The following GIMAP2 variants were observed in gnomAD, a reference collection of about 807,000 sequenced individuals.
GIMAP2 encodes the protein GTPase IMAP family member 2.
In GIMAP2, 22 loss-of-function variants were observed where a neutral mutation model predicts 25.5. The ratio of observed to expected loss-of-function variants is 0.86; its 90% CI spans 0.62 to 1.23. The LOEUF (loss-of-function observed/expected upper bound fraction) is 1.23, where lower values mean the gene tolerates loss of function less well. Ranked by LOEUF, GIMAP2 falls within the 50% of genes most tolerant of loss-of-function variation. The pLI is 0.00. For missense variants in GIMAP2, 422 were observed against 395.7 expected, an observed-to-expected ratio of 1.07 and a Z score of -0.56; for synonymous variants, 167 against 143.0, an observed-to-expected ratio of 1.17 and a Z score of -1.20.
chr7:150,693,442 C>G lies in GIMAP2; in HGVS notation c.*142C>G, dbSNP rs1265717939. 3.5e-6 allele frequency: 2 copies of G among 564,130 alleles called. No individual in the cohort carries two copies. Among genetic ancestry groups the G allele is most frequent in the Non-Finnish European group, 6.1e-6 (2 of 327,574 alleles). The allele number at this position is 564,130 out of a possible 1,614,324, so 34.9% of individuals were successfully genotyped here. Reference sequence around the variant, plus strand: ...AACATCACTCCAATTATTAATGAACCAAATCATACGATAAGTTACTGTTTG... The same window carrying G: ...AACATCACTCCAATTATTAATGAACGAAATCATACGATAAGTTACTGTTTG... On this transcript the variant is annotated 3_prime_UTR_variant, in exon 3 of 3. Coordinates refer to ENST00000223293, the MANE Select transcript of GIMAP2 (RefSeq NM_015660.3).
rs779140676 is a variant in GIMAP2, at chr7:150,693,030, A to C, written c.744A>C (p.Glu248Asp). ...EFKQSLIKYMETQRSYTALAE... is the reference protein window; with the variant it reads ...EFKQSLIKYMDTQRSYTALAE... ...AACAGAGCCTTATAAAGTACATGGA[A>C]ACTCAAAGAAGTTACACAGCCTTGG... The change falls in exon 3 of 3, where the codon GAA (glutamate) becomes GAC (aspartate). Residue 248 changes from glutamate (E) to aspartate (D), a missense_variant. Coordinates refer to ENST00000223293, the MANE Select transcript of GIMAP2 (RefSeq NM_015660.3). The C allele has an allele frequency of 1.1e-5, 17 of 1,614,070 alleles. No homozygotes were observed. The highest frequency in any genetic ancestry group is 1.4e-5 in the Non-Finnish European group (17 of 1,180,010).
Position 150,687,075 on chromosome 7 carries a change from C to T in GIMAP2, c.16C>T (p.His6Tyr). The T allele has an allele frequency of 6.2e-7, 1 of 1,610,168 alleles. No homozygotes were observed. Among genetic ancestry groups the T allele is most frequent in the Non-Finnish European group, 8.5e-7 (1 of 1,178,032 alleles). ...AGGAACACCAATGGACCAAAATGAA[C>T]ACAGTCACTGGGGTAAGAAGGTGAC... MDQNEHSHWGPHAKGQ... is the reference protein window; with the variant it reads MDQNEYSHWGPHAKGQ... The change falls in exon 2 of 3, where the codon CAC (histidine) becomes TAC (tyrosine). Residue 6 changes from histidine (H) to tyrosine (Y), a missense_variant. Physicochemically the swap from His to Tyr is moderately conservative, Grantham distance 83. Coordinates refer to ENST00000223293, the MANE Select transcript of GIMAP2 (RefSeq NM_015660.3).
chr7:150,690,900 C>T (rs1796959617), intron 2 of GIMAP2, among the ~76,000 whole-genome samples: 1 of 152,170 alleles, frequency 6.6e-6, no homozygotes, highest in African/African-American at 2.4e-5. Context: ...TCAGAAAGCT[C>T]ATTTTCTTTG....
chr7:150,685,803 A>G lies in GIMAP2; in HGVS notation c.-9+18A>G. On this transcript the variant is annotated intron_variant, in intron 1 of 2. Coordinates refer to ENST00000223293, the MANE Select transcript of GIMAP2 (RefSeq NM_015660.3). Reference sequence around the variant, plus strand: ...TAAATCAGGTAAGCCCAGATTTACGAAAAGTTCTGCAGTGTTGATTTCTAG... The same window carrying G: ...TAAATCAGGTAAGCCCAGATTTACGGAAAGTTCTGCAGTGTTGATTTCTAG... 2 of 937,278 alleles carry G rather than the reference A, an allele frequency of 2.1e-6. No homozygotes were observed. The highest frequency in any genetic ancestry group is 2.5e-6 in the Non-Finnish European group (2 of 785,914). 58.1% of individuals were successfully genotyped at this position (937,278 alleles called of 1,614,324 possible).
At position 150,692,999 on chromosome 7, in the gene GIMAP2, A is replaced by G. The variant is rs200032624; in HGVS notation, c.713A>G (p.Glu238Gly). 2.5e-6 allele frequency: 4 copies of G among 1,614,156 alleles called. No individual in the cohort carries two copies. In the Middle Eastern group the frequency reaches 6.6e-4, roughly 266 times the overall value. Residue 238 changes from glutamate to glycine, a missense_variant, in exon 3 of 3, where the codon GAA becomes GGA. By Grantham distance (98) the Glu-to-Gly change is moderately conservative. Coordinates refer to ENST00000223293, the MANE Select transcript of GIMAP2 (RefSeq NM_015660.3). ...GPVGSDERVK[E>G]FKQSLIKYME... ...GTGGGATCAGATGAAAGAGTAAAGGAATTCAAACAGAGCCTTATAAAGTAC... is the reference window on the plus strand; with the variant it reads ...GTGGGATCAGATGAAAGAGTAAAGGGATTCAAACAGAGCCTTATAAAGTAC...
intron 2 of GIMAP2, chr7:150,687,297 G>A (rs1796915504): frequency 2.8e-6 from 1 of 356,912 alleles, no homozygotes. Context: ...TTTTGAGACA[G>A]TGTCTCTCTC....
chr7:150,687,863 G>C (rs572511956), intron 2 of GIMAP2, among the ~76,000 whole-genome samples: 3 of 151,080 alleles, frequency 2.0e-5, no homozygotes, highest in African/African-American at 7.3e-5. Flanking sequence ...TCTGTATCTT[G>C]ACCTCCCCTT....
rs184759086 is a variant in GIMAP2 at position 150,685,829 on chromosome 7, G to C, written c.-9+44G>C. 234 of 676,594 alleles carry C rather than the reference G, an allele frequency of 3.5e-4. 2 individuals are homozygous for C. The African/African-American group carries it at 3.9e-3, about 11-fold the overall frequency. 41.9% of individuals were successfully genotyped at this position (676,594 alleles called of 1,614,324 possible). ...AAAGTTCTGCAGTGTTGATTTCTAG[G>C]TCCCAAGCCATGCACAAACATTTTC... On this transcript the variant is annotated intron_variant, in intron 1 of 2. Coordinates refer to ENST00000223293, the MANE Select transcript of GIMAP2 (RefSeq NM_015660.3).
chr7:150,687,148 GTGTGTGTT>G (rs1796913174), intron 2 of GIMAP2, 61 bp downstream of exon 2: 1 of 1,071,696 alleles, frequency 9.3e-7, no homozygotes, highest in Non-Finnish European at 1.4e-6. Context: ...GTGTGTGTGT[GTGTGTGTT>G]TGGCTCTTCT....
At chr7:150,690,763 A>G (rs1796958225) in intron 2 of GIMAP2, among the ~76,000 whole-genome samples, 1 of 152,238 alleles carries the variant, frequency 6.6e-6, no homozygotes. Context: ...GGAGTAAACC[A>G]TCATCTTCTC....
chr7:150,687,289 T>TGTTTGTTTG (rs1796915383), intron 2 of GIMAP2: 6 of 555,666 alleles, frequency 1.1e-5, no homozygotes, highest in South Asian at 2.7e-5. Context: ...TTTGTTTGTT[T>TGTTTGTTTG]TGAGACAGTG....
intron 2 of GIMAP2, chr7:150,689,748 C>G (rs755355682): frequency 1.9e-6 from 1 of 531,266 alleles, no homozygotes; most frequent in Admixed American, 3.1e-5. Context: ...CAAGTGTTGG[C>G]GTAGCAGCAT....
chr7:150,687,743 CTCTG>C (rs1345575586), intron 2 of GIMAP2, among the ~76,000 whole-genome samples: 1 of 151,842 alleles, frequency 6.6e-6, no homozygotes, highest in African/African-American at 2.4e-5. Context: ...GTGTCTCTCT[CTCTG>C]TCTTTCTGTC....
At chr7:150,691,406 T>C (rs1563355240) in intron 2 of GIMAP2, among the ~76,000 whole-genome samples, 1 of 152,220 alleles carries the variant, frequency 6.6e-6, no homozygotes, top group Non-Finnish European at 1.5e-5. Flanking sequence ...CTTACCCACG[T>C]TGAAGGGAAA....
intron 2 of GIMAP2, 84 bp downstream of exon 2, chr7:150,687,171 ATGT>A: frequency 8.6e-7 from 1 of 1,160,630 alleles, no homozygotes; most frequent in Non-Finnish European, 1.3e-6. Flanking sequence ...TCTTCTGATG[ATGT>A]TGGGGCAAAA....
In GIMAP2 at chr7:150,692,334, A is replaced by C. The variant is rs139352851; in HGVS notation, c.48A>C (p.Gln16His). Residue 16 changes from glutamine to histidine, a missense_variant, in exon 3 of 3, where the codon CAA becomes CAC. Physicochemically the swap from Gln to His is conservative, Grantham distance 24 (BLOSUM62 0). Transcript: ENST00000223293. ...TCACAGGACCACATGCAAAGGGCCA[A>C]TGTGCCAGCAGATCTGAGCTGAGAA... ...HSHWGPHAKG[Q>H]CASRSELRII... The C allele has an allele frequency of 6.2e-7, 1 of 1,613,930 alleles. No homozygotes were observed. Among genetic ancestry groups the C allele is most frequent in the African/African-American group, 1.3e-5 (1 of 75,048 alleles).
At position 150,685,782 on chromosome 7, in the gene GIMAP2, TC is replaced by T. The variant is rs1796894130; in HGVS notation, c.-11del. 3 of 974,870 alleles carry T rather than the reference TC, an allele frequency of 3.1e-6. No individual in the cohort carries two copies. The East Asian group carries it at 3.4e-4, about 111-fold the overall frequency. 60.4% of individuals were successfully genotyped at this position (974,870 alleles called of 1,614,324 possible). A position where few individuals can be genotyped will look rare whatever the true frequency, so the allele number is the denominator to read the frequency against. On this transcript the variant is annotated splice_region_variant and 5_prime_UTR_variant, in exon 1 of 3. Transcript: ENST00000223293. ...GCCAACTGTTTCTTTGAACAGTAAATCAGGTAAGCCCAGATTTACGAAAAGT... is the reference window on the plus strand; with the variant it reads ...GCCAACTGTTTCTTTGAACAGTAAATAGGTAAGCCCAGATTTACGAAAAGT...
chr7:150,688,654 C>T (rs1796929729), intron 2 of GIMAP2, among the ~76,000 whole-genome samples: 1 of 152,188 alleles, frequency 6.6e-6, no homozygotes, highest in South Asian at 2.1e-4. Context: ...TCCAGCTCTG[C>T]CCCCTCAACC....
chr7:150,692,492 GA>G lies in GIMAP2; in HGVS notation c.209del (p.Asn70IlefsTer43). The G allele has an allele frequency of 6.2e-7, 1 of 1,614,154 alleles. No homozygotes were observed. The highest frequency in any genetic ancestry group is 1.1e-5 in the South Asian group (1 of 91,074). On this transcript the variant is annotated frameshift_variant, in exon 3 of 3. Coordinates refer to ENST00000223293, the MANE Select transcript of GIMAP2 (RefSeq NM_015660.3). LOFTEE classifies it high-confidence loss of function. Reference protein sequence around the residue: ...KTCSKSQGSWGNREIVIIDTP... With the variant: ...KTCSKSQGSWXNREIVIIDTP... ...TGCAGCAAAAGTCAGGGAAGCTGGG[GA>G]AATAGAGAGATTGTCATTATTGACA...
Sources: gnomAD v4.1 joint callset for allele counts (sites outside exome capture counted in the v4.1 genomes callset) on GRCh38, gnomAD v4.1.1 for gene constraint, MANE v1.5 for transcripts, NCBI Gene and HGNC (gene_info 2026-07-23, HGNC 2026-07-21) for gene names.